The following CHST11 variants were observed in gnomAD, a reference collection of about 807,000 sequenced individuals.
CHST11 encodes the protein carbohydrate sulfotransferase 11, also known as C4S-1.
CHST11 carries 9 observed loss-of-function variants against 30.4 expected under a neutral mutation model. The observed-to-expected ratio is 0.30, with a 90% CI of 0.18 to 0.52. The LOEUF (loss-of-function observed/expected upper bound fraction) is 0.52, where lower values mean the gene tolerates loss of function less well. CHST11 is among the 20% of genes least tolerant of loss of function. CHST11 has a pLI of 0.97. For missense variants in CHST11, 348 were observed against 460.6 expected, an observed-to-expected ratio of 0.76 and a Z score of 2.24; for synonymous variants, 152 against 187.8, an observed-to-expected ratio of 0.81 and a Z score of 1.56.
At chr12:104,514,212 G>A (rs1349866875) in intron 1 of CHST11, 14 of 889,056 alleles carry the variant, frequency 1.6e-5, no homozygotes, top group Non-Finnish European at 2.7e-5. Context: ...TGTCTCCGGG[G>A]ACATTGACAC....
At chr12:104,736,072 A>T (rs751479856) in intron 2 of CHST11, among the ~76,000 whole-genome samples, 2 of 152,164 alleles carry the variant, frequency 1.3e-5, no homozygotes, top group Non-Finnish European at 2.9e-5. Context: ...GGACACAGGA[A>T]GAGGGCAGTG....
chr12:104,619,623 A>G (rs1012447607), intron 2 of CHST11, among the ~76,000 whole-genome samples: 2 of 152,118 alleles, frequency 1.3e-5, no homozygotes, highest in African/African-American at 4.8e-5. Context: ...AGAAGCCCTA[A>G]GTGAGTGAAA....
chr12:104,488,827 C>T (rs1488143704), intron 1 of CHST11, among the ~76,000 whole-genome samples: 1 of 151,676 alleles, frequency 6.6e-6, no homozygotes, highest in Non-Finnish European at 1.5e-5. Flanking sequence ...TTTGCTAGGG[C>T]TGCTATAACA....
At position 104,504,463 on chromosome 12, in the gene CHST11, C is replaced by T. The variant is rs942143459; in HGVS notation, c.118+46934C>T. Among the ~76,000 whole-genome samples, 19 of 152,228 alleles carry T rather than the reference C, an allele frequency of 1.2e-4. 2 individuals carry two copies. The highest frequency in any genetic ancestry group is 1.2e-3 in the Admixed American group (19 of 15,284). On this transcript the variant is annotated intron_variant, in intron 1 of 2. Transcript: ENST00000303694. ...CAGCAGGTGGGCAGCCCGTGCTGGG[C>T]TAGATGGCTGCCCTGGGAGTCTGAG...
At chr12:104,654,612 G>T (rs2039525250) in intron 2 of CHST11, among the ~76,000 whole-genome samples, 1 of 152,014 alleles carries the variant, frequency 6.6e-6, no homozygotes. Flanking sequence ...CCATTCCTAT[G>T]GGGGGTAATG....
At position 104,750,983 on chromosome 12, in the gene CHST11, A is replaced by C. The variant is rs1446442587; in HGVS notation, c.205-5966A>C. Reference sequence around the variant, plus strand: ...TACCCCAGAGTCTTCCTGAGGGGAAACTGTGTGTGCCTTGTTGTGGCAGGT... The same window carrying C: ...TACCCCAGAGTCTTCCTGAGGGGAACCTGTGTGTGCCTTGTTGTGGCAGGT... On this transcript the variant is annotated intron_variant, in intron 2 of 2. Coordinates refer to ENST00000303694, the MANE Select transcript of CHST11 (RefSeq NM_018413.6). 4.6e-5 allele frequency among the ~76,000 whole-genome samples: 7 copies of C among 152,278 alleles called. No homozygotes were observed. In the East Asian group the frequency reaches 1.3e-3, roughly 29 times the overall value.
intron 2 of CHST11, among the ~76,000 whole-genome samples, chr12:104,664,156 G>A (rs1212452994): frequency 3.9e-5 from 6 of 152,132 alleles, no homozygotes; most frequent in Non-Finnish European, 2.9e-5. Flanking sequence ...TATAAACCGC[G>A]AAATGCTGAC....
At chr12:104,698,116 A>G (rs1278931021) in intron 2 of CHST11, among the ~76,000 whole-genome samples, 2 of 152,152 alleles carry the variant, frequency 1.3e-5, no homozygotes, top group African/African-American at 2.4e-5. Flanking sequence ...ATATCAAGCC[A>G]TTTATTCATC....
intron 1 of CHST11, among the ~76,000 whole-genome samples, chr12:104,487,253 G>A (rs1028790717): frequency 6.6e-6 from 1 of 152,048 alleles, no homozygotes; most frequent in Non-Finnish European, 1.5e-5. Context: ...ACAATATGTT[G>A]GTTTTTCTTT....
intron 2 of CHST11, among the ~76,000 whole-genome samples, chr12:104,737,857 C>T (rs943165104): frequency 6.6e-6 from 1 of 152,106 alleles, no homozygotes; most frequent in Admixed American, 6.5e-5. Flanking sequence ...GAGGGCGAGG[C>T]TGTCCCCTGG....
Position 104,761,857 on chromosome 12 carries a change from G to A in CHST11, c.*4054G>A, listed in dbSNP as rs1467678230. The A allele has an allele frequency of 6.6e-6, 1 of 152,182 alleles. No homozygotes were observed. Among genetic ancestry groups the A allele is most frequent in the African/African-American group, 2.4e-5 (1 of 41,442 alleles). The allele number at this position is 152,182 out of a possible 1,614,324, so 9.4% of individuals were successfully genotyped here. A position where few individuals can be genotyped will look rare whatever the true frequency, so the allele number is the denominator to read the frequency against. ...ATTTGTATGCAGTAGAGAGCCTGTTGTAGAAAACGCTCCCTGTATCTTGCT... is the reference window on the plus strand; with the variant it reads ...ATTTGTATGCAGTAGAGAGCCTGTTATAGAAAACGCTCCCTGTATCTTGCT... On this transcript the variant is annotated 3_prime_UTR_variant, in exon 3 of 3. Transcript: ENST00000303694.
intron 1 of CHST11, among the ~76,000 whole-genome samples, chr12:104,523,729 G>GT (rs1174926809): frequency 5.3e-5 from 8 of 152,206 alleles, no homozygotes; most frequent in Non-Finnish European, 8.8e-5. Context: ...TTGCTTGTTA[G>GT]AACACTGGCA....
At chr12:104,488,615 ATG>A (rs1260912709) in intron 1 of CHST11, among the ~76,000 whole-genome samples, 1 of 117,338 alleles carries the variant, frequency 8.5e-6, no homozygotes, top group African/African-American at 3.3e-5. Flanking sequence ...GTGTGTATGT[ATG>A]TGTGCATGTA....
intron 2 of CHST11, among the ~76,000 whole-genome samples, chr12:104,636,402 C>T (rs2039323475): frequency 6.6e-6 from 1 of 152,210 alleles, no homozygotes; most frequent in African/African-American, 2.4e-5. Flanking sequence ...TTATACAGTT[C>T]TCTCCGTCTG....
chr12:104,589,418 AAT>A (rs1359288007), intron 1 of CHST11, among the ~76,000 whole-genome samples: 14 of 143,230 alleles, frequency 9.8e-5, no homozygotes, highest in African/African-American at 3.1e-4. Context: ...AAAAAAAAAA[AAT>A]TCAAATTCAT....
chr12:104,749,459 G>A (rs2136144431), intron 2 of CHST11, among the ~76,000 whole-genome samples: 1 of 152,192 alleles, frequency 6.6e-6, no homozygotes, highest in South Asian at 2.1e-4. Context: ...AAAACCTTTT[G>A]AGAAAGCAAA....
intron 1 of CHST11, among the ~76,000 whole-genome samples, chr12:104,558,234 A>C (rs970239434): frequency 2.0e-5 from 3 of 152,070 alleles, no homozygotes; most frequent in African/African-American, 4.8e-5. Context: ...CCAGAGCGGG[A>C]CCTGTCGAAG....
intron 1 of CHST11, among the ~76,000 whole-genome samples, chr12:104,537,798 T>C (rs1464322678): frequency 6.7e-6 from 1 of 149,450 alleles, no homozygotes; most frequent in East Asian, 2.0e-4. Context: ...CGGGCTCTGG[T>C]GATCCTCACA....
chr12:104,514,172 G>C (rs1186498677), intron 1 of CHST11: 3 of 984,846 alleles, frequency 3.0e-6, no homozygotes, highest in South Asian at 1.3e-5. Context: ...CCCTACTCCA[G>C]GTGGCCACAT....
Sources: allele counts gnomAD v4.1 joint callset (sites outside exome capture counted in the v4.1 genomes callset), GRCh38; gene constraint gnomAD v4.1.1; transcripts MANE v1.5; gene names NCBI Gene and HGNC (gene_info 2026-07-23, HGNC 2026-07-21).